Variants in SPATS2 observed in about 807,000 individuals in gnomAD.
SPATS2 encodes the protein spermatogenesis associated serine rich 2.
A neutral mutation model predicts 63.7 loss-of-function variants in SPATS2; 38 were observed. The ratio of observed to expected loss-of-function variants is 0.60; its 90% CI spans 0.46 to 0.78. SPATS2 has a LOEUF of 0.78. SPATS2 is among the 30% of genes least tolerant of loss of function. The probability of loss-of-function intolerance (pLI) is 0.00; values close to 1 mark genes in which losing one functional copy is unlikely to be tolerated. For missense variants in SPATS2, 588 were observed against 666.2 expected (o/e 0.88, Z 1.29); for synonymous variants, 207 against 232.9 (o/e 0.89, Z 1.01).
intron 2 of SPATS2, among the ~76,000 whole-genome samples, chr12:49,452,674 T>G (rs138291312): frequency 2.6e-5 from 4 of 152,306 alleles, no homozygotes; most frequent in Non-Finnish European, 4.4e-5. Flanking sequence ...CACTCTAGTA[T>G]TCATCTTCAG....
At chr12:49,388,674 C>A (rs1944364053) in intron 2 of SPATS2, among the ~76,000 whole-genome samples, 1 of 150,800 alleles carries the variant, frequency 6.6e-6, no homozygotes, top group Non-Finnish European at 1.5e-5. Flanking sequence ...CCATGCCTAG[C>A]CTTGAACCAC....
At chr12:49,380,017 T>C (rs1944186201) in intron 2 of SPATS2, among the ~76,000 whole-genome samples, 1 of 152,160 alleles carries the variant, frequency 6.6e-6, no homozygotes, top group African/African-American at 2.4e-5. Context: ...AACCACTGAT[T>C]TGCCTTCTGT....
chr12:49,464,500 G>T (rs1056367079), intron 3 of SPATS2, among the ~76,000 whole-genome samples: 1 of 151,174 alleles, frequency 6.6e-6, no homozygotes, highest in Non-Finnish European at 1.5e-5. Context: ...GGTGGTGCAT[G>T]CCTGTAATCC....
intron 2 of SPATS2, among the ~76,000 whole-genome samples, chr12:49,424,587 C>T (rs188344445): frequency 6.2e-4 from 94 of 152,242 alleles, no homozygotes; most frequent in Admixed American, 5.8e-3. Flanking sequence ...TTATCTGTTA[C>T]TATTATATCT....
At chr12:49,371,543 C>CTCTGTA (rs1226673709) in intron 2 of SPATS2, among the ~76,000 whole-genome samples, 3 of 152,124 alleles carry the variant, frequency 2.0e-5, no homozygotes, top group Non-Finnish European at 4.4e-5. Flanking sequence ...GTTCGAGTCC[C>CTCTGTA]TCTGTATTGA....
chr12:49,432,440 C>G (rs1397233703), intron 2 of SPATS2, among the ~76,000 whole-genome samples: 1 of 152,206 alleles, frequency 6.6e-6, no homozygotes, highest in Admixed American at 6.5e-5. Context: ...CCACTGCACT[C>G]CAGCCTGGGC....
intron 2 of SPATS2, among the ~76,000 whole-genome samples, chr12:49,437,249 G>A (rs1227253386): frequency 3.3e-5 from 5 of 151,552 alleles, no homozygotes; most frequent in South Asian, 2.1e-4. Context: ...GGGCAGAGGC[G>A]CTCCCCACAT....
At chr12:49,514,984 T>C (rs754049458) in intron 10 of SPATS2, among the ~76,000 whole-genome samples, 1 of 152,214 alleles carries the variant, frequency 6.6e-6, no homozygotes, top group African/African-American at 2.4e-5. Flanking sequence ...CTTCATTAGG[T>C]TGCCTACGAT....
At position 49,376,781 on chromosome 12, in the gene SPATS2, G is replaced by C. The variant is rs539241638; in HGVS notation, c.-244+5491G>C. ...CGCCCAGGCTGGAGTGCAGTGGTGC[G>C]ATCTCAGCTCCACTGCAACCTCTGC... On this transcript the variant is annotated intron_variant, in intron 2 of 13. Coordinates refer to ENST00000552918, the MANE Select transcript of SPATS2 (RefSeq NM_023071.4). Among the ~76,000 whole-genome samples the C allele has an allele frequency of 5.1e-5, 7 of 136,272 alleles. No homozygotes were observed. In the East Asian group the frequency reaches 1.2e-3, roughly 22 times the overall value. The allele number at this position is 136,272 out of a possible 152,430, so 89.4% of individuals were successfully genotyped here. A position where few individuals can be genotyped will look rare whatever the true frequency, so the allele number is the denominator to read the frequency against.
In SPATS2 at chr12:49,427,848, T is replaced by A. The variant is rs189802668; in HGVS notation, c.-243-32922T>A. Among the ~76,000 whole-genome samples the A allele has an allele frequency of 2.4e-3, 372 of 152,298 alleles. 1 individual carries two copies. The highest frequency in any genetic ancestry group is 8.5e-3 in the African/African-American group (354 of 41,572). The stretch of plus-strand genomic sequence containing the variant: ...ATCTATACTAGCTCTTTAAAAACCT[T>A]CATGATATTGGTATTCTTTGCATTT... On this transcript the variant is annotated intron_variant, in intron 2 of 13. Transcript: ENST00000552918.
chr12:49,367,339 G>T (rs1943915412), upstream of SPATS2: 1 of 389,126 alleles, frequency 2.6e-6, no homozygotes, highest in South Asian at 1.3e-4. Context: ...GCCTGGGCGA[G>T]GGTCGGGGTG....
Position 49,484,686 on chromosome 12 carries a change from T to A in SPATS2, c.105+17T>A. 6.2e-7 allele frequency: 1 copy of A among 1,611,928 alleles called. No individual in the cohort carries two copies. On this transcript the variant is annotated intron_variant, in intron 4 of 13. Transcript: ENST00000552918. ...AAAGAGAAGGTAAGACTAGTCACTA[T>A]GGATAGTAAACTTAAATGTCATAGG...
Position 49,497,024 on chromosome 12 carries a change from C to A in SPATS2, c.703+15C>A, listed in dbSNP as rs1179092038. ...TAAAAAGCTAAGTAAGTCAGAGGCCCACCTGTGAGAGAAAATGAAAAATCT... is the reference window on the plus strand; with the variant it reads ...TAAAAAGCTAAGTAAGTCAGAGGCCAACCTGTGAGAGAAAATGAAAAATCT... On this transcript the variant is annotated intron_variant, in intron 8 of 13. Transcript: ENST00000552918. The A allele has an allele frequency of 2.7e-6, 4 of 1,503,302 alleles. No individual in the cohort carries two copies. In the East Asian group the frequency reaches 9.9e-5, roughly 37 times the overall value. The allele number at this position is 1,503,302 out of a possible 1,614,324, so 93.1% of individuals were successfully genotyped here.
In SPATS2 at chr12:49,477,987, A is replaced by G. The variant is rs1009162545; in HGVS notation, c.26-6603A>G. Among the ~76,000 whole-genome samples, 3 of 73,380 alleles carry G rather than the reference A, an allele frequency of 4.1e-5. No homozygotes were observed. The South Asian group carries it at 1.1e-3, about 28-fold the overall frequency. The allele number at this position is 73,380 out of a possible 152,430, so 48.1% of individuals were successfully genotyped here. On this transcript the variant is annotated intron_variant, in intron 3 of 13. Coordinates refer to ENST00000552918, the MANE Select transcript of SPATS2 (RefSeq NM_023071.4). ...CTTTTTTTTTTTTTTTTTTTTTTTA[A>G]TTTTTGAGACAGGGTCTTGCTCTGT... is the stretch of plus-strand genomic sequence containing the variant.
chr12:49,509,460 G>A (rs112774269), intron 9 of SPATS2, among the ~76,000 whole-genome samples: 2 of 151,644 alleles, frequency 1.3e-5, no homozygotes, highest in African/African-American at 4.8e-5. Context: ...GTAGAGACAG[G>A]GTTTCATCAT....
intron 2 of SPATS2, among the ~76,000 whole-genome samples, chr12:49,375,141 A>AGTGT (rs10601423): frequency 1.7e-3 from 207 of 123,368 alleles, no homozygotes; most frequent in East Asian, 0.015. Flanking sequence ...CAAGTTGTGG[A>AGTGT]GTGTGTGTGT....
intron 10 of SPATS2, among the ~76,000 whole-genome samples, chr12:49,517,871 T>C (rs757025571): frequency 5.3e-5 from 8 of 152,222 alleles, no homozygotes; most frequent in Non-Finnish European, 1.0e-4. Context: ...ATTGGATTTC[T>C]GATAGCCCTG....
chr12:49,424,831 C>A (rs1042191648), intron 2 of SPATS2, among the ~76,000 whole-genome samples: 1 of 152,102 alleles, frequency 6.6e-6, no homozygotes, highest in Non-Finnish European at 1.5e-5. Flanking sequence ...AGGCACCCAC[C>A]ACCACGCCCA....
chr12:49,411,264 C>T (rs759382339), intron 2 of SPATS2, among the ~76,000 whole-genome samples: 2 of 152,116 alleles, frequency 1.3e-5, no homozygotes, highest in Non-Finnish European at 2.9e-5. Flanking sequence ...TGCCCTTGGT[C>T]ATCTCAGGAC....
Sources: allele counts gnomAD v4.1 joint callset (sites outside exome capture counted in the v4.1 genomes callset), GRCh38; gene constraint gnomAD v4.1.1; transcripts MANE v1.5; gene names NCBI Gene and HGNC (gene_info 2026-07-23, HGNC 2026-07-21).